Variants in COL1A2 observed in about 807,000 individuals in gnomAD.
COL1A2 encodes collagen type I alpha 2 chain, also known as collagen alpha-2(I) chain.
In COL1A2, 49 loss-of-function variants were observed where a neutral mutation model predicts 174.3. The observed-to-expected ratio is 0.28, with a 90% CI of 0.22 to 0.36. The LOEUF is 0.36. Among genes scored for constraint, COL1A2 ranks in the 10% least tolerant of loss-of-function variants. The pLI is 1.00. For missense variants in COL1A2, 1,438 were observed against 1,822.7 expected, an observed-to-expected ratio of 0.79 and a Z score of 3.84; for synonymous variants, 655 against 606.6, an observed-to-expected ratio of 1.08 and a Z score of -1.17.
Position 94,429,403 on chromosome 7 carries a change from T to A in COL1A2, c.3927T>A (p.Thr1309=), listed in dbSNP as rs758710364. Residue 1309 remains threonine, a synonymous_variant, in exon 51 of 52, where the codon ACT becomes ACA. Transcript: ENST00000297268. ...TTGCTGAGGGCAACAGCAGGTTCAC[T>A]TACACTGTTCTTGTAGATGGCTGCT... The part of the protein sequence containing the change: ...ELVAEGNSRF[T]YTVLVDGCSK... The A allele has an allele frequency of 6.2e-7, 1 of 1,614,084 alleles. No homozygotes were observed. The highest frequency in any genetic ancestry group is 1.1e-5 in the South Asian group (1 of 91,076).
Position 94,404,678 on chromosome 7 carries a change from C to CT in COL1A2, c.325-8dup, listed in dbSNP as rs760438899. ...AAATAAAGGCTTGGAGTATGACATT[C>CT]TTTTTTTCTTTTAGGGCCCTCAAGG... is the stretch of plus-strand genomic sequence containing the variant. On this transcript the variant is annotated splice_polypyrimidine_tract_variant and intron_variant, in intron 7 of 51. Transcript: ENST00000297268. The CT allele has an allele frequency of 6.2e-7, 1 of 1,614,108 alleles. No individual in the cohort carries two copies. Among genetic ancestry groups the CT allele is most frequent in the South Asian group, 1.1e-5 (1 of 91,078 alleles).
rs1584310178 is a variant in COL1A2, at chr7:94,394,964, A to G, written c.-68A>G. ...CCACGACTGCATGCCCGCGCCCGCC[A>G]GGTGATACCTCCGCCGGTGACCCAG... On this transcript the variant is annotated 5_prime_UTR_variant, in exon 1 of 52. Transcript: ENST00000297268. 4.9e-6 allele frequency: 7 copies of G among 1,428,276 alleles called. No homozygotes were observed. The highest frequency in any genetic ancestry group is 5.9e-6 in the Non-Finnish European group (6 of 1,012,504). The allele number at this position is 1,428,276 out of a possible 1,614,324, so 88.5% of individuals were successfully genotyped here.
At chr7:94,419,423 A>C in intron 33 of COL1A2, 75 bp from the exon 34 acceptor site, 1 of 1,527,748 alleles carries the variant, frequency 6.5e-7, no homozygotes, top group East Asian at 2.3e-5. Flanking sequence ...ATAAGCACAG[A>C]AAAAAAGAAT....
At chr7:94,406,163 A>G in intron 11 of COL1A2, 87 bp from the exon 12 acceptor site, 1 of 1,374,234 alleles carries the variant, frequency 7.3e-7, no homozygotes, top group Non-Finnish European at 1.0e-6. Context: ...TACCCAAGAG[A>G]GATTAATGGC....
At chr7:94,409,859 T>G (rs1406494417) in intron 19 of COL1A2, 38 bp downstream of exon 19, 2 of 1,570,592 alleles carry the variant, frequency 1.3e-6, no homozygotes, top group East Asian at 4.5e-5. Context: ...CATCCTGAAA[T>G]ACCACCTCTG....
At chr7:94,404,622 T>C (rs910402520) in intron 7 of COL1A2, 22 bp downstream of exon 7, 3 of 1,614,094 alleles carry the variant, frequency 1.9e-6, no homozygotes, top group Admixed American at 1.7e-5. Context: ...AAGCTTGTAA[T>C]GCCTCTTATG....
Position 94,423,364 on chromosome 7 carries a change from T to C in COL1A2, c.2565+246T>C, listed in dbSNP as rs139818294. 4,312 of 509,564 alleles carry C rather than the reference T, an allele frequency of 8.5e-3. 45 individuals carry two copies. The highest frequency in any genetic ancestry group is 0.042 in the Middle Eastern group (77 of 1,812). The allele number at this position is 509,564 out of a possible 1,614,324, so 31.6% of individuals were successfully genotyped here. Reference sequence around the variant, plus strand: ...TTTTATCACAAAGCCCTTAAAGCTATTGAAGGCACCTTACTGGTACCAGGA... The same window carrying C: ...TTTTATCACAAAGCCCTTAAAGCTACTGAAGGCACCTTACTGGTACCAGGA... On this transcript the variant is annotated intron_variant, in intron 40 of 51. Coordinates refer to ENST00000297268, the MANE Select transcript of COL1A2 (RefSeq NM_000089.4).
intron 30 of COL1A2, among the ~76,000 whole-genome samples, chr7:94,415,542 A>G (rs1203799313): frequency 6.6e-6 from 1 of 152,208 alleles, no homozygotes; most frequent in East Asian, 1.9e-4. Context: ...ACTATGCTAC[A>G]TTTGTGACAG....
At chr7:94,418,032 AC>A (rs1209792334) in intron 32 of COL1A2, among the ~76,000 whole-genome samples, 1 of 152,192 alleles carries the variant, frequency 6.6e-6, no homozygotes, top group Non-Finnish European at 1.5e-5. Context: ...ATGGAATTTC[AC>A]ACAAACAGAT....
chr7:94,409,291 G>T (rs747254699), intron 16 of COL1A2, 31 bp from the exon 17 acceptor site: 1 of 1,584,480 alleles, frequency 6.3e-7, no homozygotes, highest in African/African-American at 1.3e-5. Context: ...TTATTTGCTG[G>T]TTAATTCCTT....
intron 33 of COL1A2, 25 bp from the exon 34 acceptor site, chr7:94,419,473 A>G: frequency 6.2e-7 from 1 of 1,613,638 alleles, no homozygotes; most frequent in Admixed American, 1.7e-5. Context: ...GTTATTAATA[A>G]GACATGTTTC....
At position 94,413,609 on chromosome 7, in the gene COL1A2, GAAGT is replaced by G. The variant is rs1791977866; in HGVS notation, c.1558-78_1558-75del. Reference sequence around the variant, plus strand: ...GCTAAAATGACAAACTTGTTTTAAGGAAGTAATACCTGAGGCTTTGAGACATCTT... The same window carrying G: ...GCTAAAATGACAAACTTGTTTTAAGGAATACCTGAGGCTTTGAGACATCTT... On this transcript the variant is annotated intron_variant, in intron 26 of 51. Coordinates refer to ENST00000297268, the MANE Select transcript of COL1A2 (RefSeq NM_000089.4). 7 of 1,339,502 alleles carry G rather than the reference GAAGT, an allele frequency of 5.2e-6. No homozygotes were observed. In the East Asian group the frequency reaches 1.6e-4, roughly 31 times the overall value. The allele number at this position is 1,339,502 out of a possible 1,614,324, so 83.0% of individuals were successfully genotyped here.
intron 25 of COL1A2, 41 bp downstream of exon 25, chr7:94,412,723 T>C: frequency 1.2e-5 from 19 of 1,565,932 alleles, no homozygotes; most frequent in Non-Finnish European, 1.7e-5. Context: ...GCACTTTCTG[T>C]AGCCAAATTT....
chr7:94,405,127 A>T, intron 9 of COL1A2, 72 bp from the exon 10 acceptor site: 1 of 1,524,676 alleles, frequency 6.6e-7, no homozygotes. Context: ...CCTTTTGTAA[A>T]AACCAAGATT....
intron 1 of COL1A2, chr7:94,395,334 A>G (rs1791561590): frequency 1.6e-6 from 1 of 609,346 alleles, no homozygotes; most frequent in Non-Finnish European, 3.0e-6. Flanking sequence ...TCAGAGTGAG[A>G]CAGTTAACTC....
rs753406780 is a variant in COL1A2 at position 94,400,264 on chromosome 7, T to TCCTGGCCCC, written c.207_215dup (p.Pro70_Gly72dup). ...CAGGCCCTCCTGGTCCACCTGGTCC[T>TCCTGGCCCC]CCTGGCCCCCCTGGTCTCGGTGGGG... is the stretch of plus-strand genomic sequence containing the variant. On this transcript the variant is annotated inframe_insertion, in exon 5 of 52. Coordinates refer to ENST00000297268, the MANE Select transcript of COL1A2 (RefSeq NM_000089.4). 1 of 1,612,734 alleles carries TCCTGGCCCC rather than the reference T, an allele frequency of 6.2e-7. No individual in the cohort carries two copies. Among genetic ancestry groups the TCCTGGCCCC allele is most frequent in the East Asian group, 2.2e-5 (1 of 44,824 alleles).
chr7:94,424,699 C>T (rs1005601615), intron 41 of COL1A2: 3 of 506,890 alleles, frequency 5.9e-6, no homozygotes, highest in African/African-American at 3.9e-5. Flanking sequence ...GATACAATCT[C>T]TAATTGCGTT....
At chr7:94,414,357 A>T in intron 29 of COL1A2, 82 bp downstream of exon 29, 1 of 1,225,578 alleles carries the variant, frequency 8.2e-7, no homozygotes, top group Non-Finnish European at 1.2e-6. Flanking sequence ...CTATGCAATT[A>T]TAATATGTAA....
intron 31 of COL1A2, 146 bp from the exon 32 acceptor site, chr7:94,417,578 T>G (rs559971256): frequency 7.1e-6 from 5 of 702,584 alleles, no homozygotes; most frequent in Non-Finnish European, 1.3e-5. Flanking sequence ...ATATTCTCCC[T>G]CCTTTCAATA....
Sources: gnomAD v4.1 joint callset for allele counts (sites outside exome capture counted in the v4.1 genomes callset) on GRCh38, gnomAD v4.1.1 for gene constraint, MANE v1.5 for transcripts, NCBI Gene and HGNC (gene_info 2026-07-23, HGNC 2026-07-21) for gene names.